Variants in MAP7 observed in about 807,000 individuals in gnomAD.
The protein encoded by MAP7 is microtubule associated protein 7, also known as ensconsin.
In MAP7, 52 loss-of-function variants were observed where a neutral mutation model predicts 94.8. That is an observed-to-expected ratio of 0.55 (90% CI 0.44 to 0.69). MAP7 has a LOEUF of 0.69. MAP7 is among the 30% of genes least tolerant of loss of function. The pLI, the probability that MAP7 is intolerant of heterozygous loss-of-function variation, is 0.00. For synonymous variants in MAP7, 350 were observed against 357.0 expected, an observed-to-expected ratio of 0.98 and a Z score of 0.22; for missense variants, 940 against 964.6, an observed-to-expected ratio of 0.97 and a Z score of 0.34.
At chr6:136,509,775 T>C (rs2129028229) in intron 1 of MAP7, among the ~76,000 whole-genome samples, 1 of 152,320 alleles carries the variant, frequency 6.6e-6, no homozygotes, top group Non-Finnish European at 1.5e-5. Context: ...CACGCTGGTG[T>C]TGAACTCCTG....
intron 1 of MAP7, among the ~76,000 whole-genome samples, chr6:136,506,559 C>T (rs1821581552): frequency 6.6e-6 from 1 of 151,504 alleles, no homozygotes; most frequent in South Asian, 2.1e-4. Context: ...CTCTTCCAGC[C>T]TCAGTACTGG....
chr6:136,372,653 G>C (rs1774903196), intron 7 of MAP7, 28 bp from the exon 8 acceptor site: 1 of 1,614,100 alleles, frequency 6.2e-7, no homozygotes, highest in East Asian at 2.2e-5. Context: ...GGGATAACTA[G>C]GGTGCAGGTG....
intron 1 of MAP7, among the ~76,000 whole-genome samples, chr6:136,517,493 T>C: frequency 6.6e-6 from 1 of 152,204 alleles, no homozygotes; most frequent in African/African-American, 2.4e-5. Context: ...AATATTATAA[T>C]TGTCACATAA....
chr6:136,474,539 A>G lies in MAP7; in HGVS notation c.68-52740T>C, dbSNP rs78302524. Among the ~76,000 whole-genome samples, 1,580 of 152,348 alleles carry G rather than the reference A, an allele frequency of 0.01. 63 individuals are homozygous for G. The East Asian group carries it at 0.14, about 13-fold the overall frequency. The stretch of plus-strand genomic sequence containing the variant: ...ACCTGGCAGTTGGCTGAGTACTACT[A>G]CAACAGAGCGGCCTCAGCGCCAAAC... On this transcript the variant is annotated intron_variant, in intron 1 of 17. Transcript: ENST00000354570.
chr6:136,435,286 C>T (rs1047719373), intron 1 of MAP7, among the ~76,000 whole-genome samples: 14 of 152,150 alleles, frequency 9.2e-5, no homozygotes, highest in African/African-American at 3.4e-4. Context: ...ACTCTCCTTG[C>T]GTCCCAGGGG....
At position 136,454,536 on chromosome 6, in the gene MAP7, G is replaced by A. The variant is rs114964651; in HGVS notation, c.68-32737C>T. On this transcript the variant is annotated intron_variant, in intron 1 of 17. Transcript: ENST00000354570. ...TGGTCTCAAACTCCTGGGCTCAAGCGACCCTCACGCCTTAGCCTCCCAAAG... is the reference window on the plus strand; with the variant it reads ...TGGTCTCAAACTCCTGGGCTCAAGCAACCCTCACGCCTTAGCCTCCCAAAG... Among the ~76,000 whole-genome samples, 421 of 151,972 alleles carry A rather than the reference G, an allele frequency of 2.8e-3. 2 individuals are homozygous for A. The highest frequency in any genetic ancestry group is 9.4e-3 in the African/African-American group (390 of 41,522).
intron 1 of MAP7, among the ~76,000 whole-genome samples, chr6:136,491,166 T>A (rs111621420): frequency 1.4e-4 from 21 of 152,248 alleles, no homozygotes; most frequent in South Asian, 2.1e-4. Flanking sequence ...AGCATTTTTT[T>A]AATTAAAAAA....
intron 3 of MAP7, among the ~76,000 whole-genome samples, chr6:136,392,338 C>T (rs1301860399): frequency 6.0e-5 from 9 of 150,994 alleles, no homozygotes; most frequent in African/African-American, 1.5e-4. Context: ...CTTGGCCTCC[C>T]GAAGTTCTGG....
chr6:136,356,595 A>C, intron 16 of MAP7, 97 bp downstream of exon 16: 1 of 921,476 alleles, frequency 1.1e-6, no homozygotes. Flanking sequence ...GGCCCCCCCC[A>C]AATAATAAAT....
chr6:136,523,487 C>G (rs1234902086), intron 1 of MAP7, among the ~76,000 whole-genome samples: 1 of 152,220 alleles, frequency 6.6e-6, no homozygotes. Context: ...ACATTTCCAT[C>G]ATTTTCCATG....
intron 5 of MAP7, 108 bp downstream of exon 5, chr6:136,388,285 T>C: frequency 2.5e-6 from 2 of 795,572 alleles, no homozygotes; most frequent in South Asian, 3.5e-5. Flanking sequence ...GTTGTTTAAT[T>C]ATTTCAGCAG....
intron 15 of MAP7, among the ~76,000 whole-genome samples, chr6:136,359,543 G>A (rs947228420): frequency 7.9e-5 from 12 of 151,916 alleles, no homozygotes; most frequent in African/African-American, 2.7e-4. Flanking sequence ...ATATGTATAA[G>A]TATATATACA....
intron 1 of MAP7, among the ~76,000 whole-genome samples, chr6:136,502,513 G>A (rs1400479620): frequency 6.6e-6 from 1 of 152,226 alleles, no homozygotes; most frequent in African/African-American, 2.4e-5. Flanking sequence ...TAACTGCAAA[G>A]CATAAGTAGT....
intron 1 of MAP7, among the ~76,000 whole-genome samples, chr6:136,524,236 T>G (rs888535976): frequency 1.3e-5 from 2 of 151,768 alleles, no homozygotes; most frequent in African/African-American, 4.8e-5. Flanking sequence ...AGAGCAAGAC[T>G]CCATCTCAAA....
At chr6:136,488,118 G>A (rs569370430) in intron 1 of MAP7, among the ~76,000 whole-genome samples, 1 of 152,232 alleles carries the variant, frequency 6.6e-6, no homozygotes, top group East Asian at 1.9e-4. Context: ...GTTTTAAGTA[G>A]TTTCTAGATA....
At chr6:136,507,554 A>T (rs987316737) in intron 1 of MAP7, among the ~76,000 whole-genome samples, 1 of 152,028 alleles carries the variant, frequency 6.6e-6, no homozygotes, top group Non-Finnish European at 1.5e-5. Context: ...GAAGACATTT[A>T]AAAAAACACA....
chr6:136,443,364 T>C (rs1379438613), intron 1 of MAP7, among the ~76,000 whole-genome samples: 1 of 152,114 alleles, frequency 6.6e-6, no homozygotes. Flanking sequence ...TAAGGGAATA[T>C]GTCTACATGG....
At chr6:136,446,227 T>C (rs1481030642) in intron 1 of MAP7, among the ~76,000 whole-genome samples, 1 of 151,148 alleles carries the variant, frequency 6.6e-6, no homozygotes, top group East Asian at 2.0e-4. Flanking sequence ...GAGAAGATTG[T>C]CATCAGAGGT....
rs984356518 is a variant in MAP7, at chr6:136,550,272, T to C, written c.67+70A>G. On this transcript the variant is annotated intron_variant, in intron 1 of 17. Transcript: ENST00000354570. The surrounding 1 kb of genome is among the most constrained non-coding windows in gnomAD (Gnocchi z 5.1). Reference sequence around the variant, plus strand: ...GGCTGCCGGCGCCGGGTGATTTCGGTGCCAGCCCGCCGGCCCCGCTCGCCG... The same window carrying C: ...GGCTGCCGGCGCCGGGTGATTTCGGCGCCAGCCCGCCGGCCCCGCTCGCCG... 130 of 1,335,710 alleles carry C rather than the reference T, an allele frequency of 9.7e-5. No homozygotes were observed. The highest frequency in any genetic ancestry group is 1.2e-4 in the Non-Finnish European group (120 of 1,027,082). 82.7% of individuals were successfully genotyped at this position (1,335,710 alleles called of 1,614,324 possible).
Sources: gnomAD v4.1 joint callset for allele counts (sites outside exome capture counted in the v4.1 genomes callset) on GRCh38, gnomAD v4.1.1 for gene constraint, Gnocchi (gnomAD v3.1) non-coding constraint, MANE v1.5 for transcripts, NCBI Gene and HGNC (gene_info 2026-07-23, HGNC 2026-07-21) for gene names.